Variants in ACTR10 observed in about 807,000 individuals in gnomAD.
ACTR10 encodes actin-related protein 10.
A neutral mutation model predicts 56.2 loss-of-function variants in ACTR10; 43 were observed. That is an observed-to-expected ratio of 0.77 (90% CI 0.60 to 0.99). ACTR10 has a LOEUF of 0.99. ACTR10 is among the 50% of genes least tolerant of loss of function. ACTR10 has a pLI of 0.00. For synonymous variants in ACTR10, 170 were observed against 176.3 expected (o/e 0.96, Z 0.28); for missense variants, 466 against 507.8 (o/e 0.92, Z 0.79).
At chr14:58,214,738 G>A (rs1233658782) in intron 6 of ACTR10, among the ~76,000 whole-genome samples, 8 of 150,146 alleles carry the variant, frequency 5.3e-5, no homozygotes, top group East Asian at 2.0e-4. Context: ...TGATCCACCC[G>A]CTTCAGCCTC....
intron 4 of ACTR10, among the ~76,000 whole-genome samples, chr14:58,210,156 T>G (rs1888957953): frequency 6.6e-6 from 1 of 152,222 alleles, no homozygotes; most frequent in African/African-American, 2.4e-5. Flanking sequence ...CCTACTTTAT[T>G]TAGATAAGGG....
At position 58,200,153 on chromosome 14, in the gene ACTR10, C is replaced by A. The variant is rs1888667094; in HGVS notation, c.-65C>A. 1.2e-5 allele frequency: 15 copies of A among 1,256,790 alleles called. No homozygotes were observed. In the South Asian group the frequency reaches 2.2e-4, roughly 18 times the overall value. The allele number at this position is 1,256,790 out of a possible 1,614,324, so 77.9% of individuals were successfully genotyped here. ...GAGCGCCGGAGCCCCGGCCCCGCCCCGCGAGCGCCGAGACTTGTTGGCCGC... is the reference window on the plus strand; with the variant it reads ...GAGCGCCGGAGCCCCGGCCCCGCCCAGCGAGCGCCGAGACTTGTTGGCCGC... On this transcript the variant is annotated 5_prime_UTR_variant, in exon 1 of 13. Transcript: ENST00000254286.
chr14:58,215,111 A>G, intron 6 of ACTR10, 94 bp from the exon 7 acceptor site: 1 of 799,494 alleles, frequency 1.3e-6, no homozygotes, highest in Non-Finnish European at 1.9e-6. Flanking sequence ...CTCCAAAAAA[A>G]AAATCATAAT....
intron 7 of ACTR10, among the ~76,000 whole-genome samples, chr14:58,216,150 G>T (rs1232477866): frequency 6.6e-6 from 1 of 151,978 alleles, no homozygotes; most frequent in Non-Finnish European, 1.5e-5. Flanking sequence ...TTTGAGACAG[G>T]ATCTCACTCT....
intron 8 of ACTR10, among the ~76,000 whole-genome samples, chr14:58,221,156 G>T (rs1365271772): frequency 2.0e-5 from 3 of 151,766 alleles, no homozygotes; most frequent in Non-Finnish European, 4.4e-5. Context: ...GGTGGCACTC[G>T]CCTGTAGTCC....
At chr14:58,215,465 T>G (rs1013246107) in intron 7 of ACTR10, among the ~76,000 whole-genome samples, 181 bp downstream of exon 7, 50 of 152,202 alleles carry the variant, frequency 3.3e-4, no homozygotes, top group African/African-American at 1.1e-3. Flanking sequence ...AGTTTGATTT[T>G]AGTCATCCTT....
chr14:58,224,468 A>G (rs950059871), intron 10 of ACTR10, among the ~76,000 whole-genome samples: 3 of 151,952 alleles, frequency 2.0e-5, no homozygotes, highest in Admixed American at 6.6e-5. Flanking sequence ...GCTGGTCTCG[A>G]ACTCCTGACC....
intron 3 of ACTR10, 84 bp from the exon 4 acceptor site, chr14:58,208,915 T>A (rs941886587): frequency 2.8e-5 from 23 of 827,090 alleles, no homozygotes; most frequent in African/African-American, 1.0e-4. Flanking sequence ...GCTAAGGTAG[T>A]ACAGTTTCAC....
At chr14:58,228,981 G>T (rs898441160) in intron 10 of ACTR10, among the ~76,000 whole-genome samples, 1 of 151,846 alleles carries the variant, frequency 6.6e-6, no homozygotes, top group Admixed American at 6.6e-5. Context: ...AATACAGAGA[G>T]GTCCCATATA....
intron 2 of ACTR10, among the ~76,000 whole-genome samples, chr14:58,205,578 G>T (rs1888838534): frequency 1.3e-5 from 2 of 152,126 alleles, no homozygotes; most frequent in Non-Finnish European, 2.9e-5. Context: ...GCTTCCCAAA[G>T]TGCTGGGGTT....
At chr14:58,217,294 T>G (rs1566626572) in intron 7 of ACTR10, among the ~76,000 whole-genome samples, 2 of 152,204 alleles carry the variant, frequency 1.3e-5, no homozygotes, top group African/African-American at 2.4e-5. Flanking sequence ...AATCTGAGTC[T>G]GTGATAGCCA....
At chr14:58,212,847 G>A (rs181754003) in intron 5 of ACTR10, among the ~76,000 whole-genome samples, 9 of 152,170 alleles carry the variant, frequency 5.9e-5, no homozygotes, top group African/African-American at 2.2e-4. Context: ...GCTGGGTGCC[G>A]TGGCTCACAC....
chr14:58,229,325 C>A (rs942443233), intron 10 of ACTR10, among the ~76,000 whole-genome samples: 3 of 152,120 alleles, frequency 2.0e-5, no homozygotes, highest in Admixed American at 6.5e-5. Context: ...ACCTAGAGAT[C>A]TAATGTACAG....
chr14:58,210,897 A>G (rs1888976951), intron 4 of ACTR10, among the ~76,000 whole-genome samples: 1 of 151,130 alleles, frequency 6.6e-6, no homozygotes, highest in Non-Finnish European at 1.5e-5. Context: ...CTGGTTTCGA[A>G]CTCCTGACCT....
chr14:58,228,160 A>T (rs1479830800), intron 10 of ACTR10, among the ~76,000 whole-genome samples: 3 of 152,194 alleles, frequency 2.0e-5, no homozygotes, highest in Non-Finnish European at 4.4e-5. Context: ...GGACAATATT[A>T]TCATCTCATA....
In ACTR10 at chr14:58,219,730, G is replaced by A; in HGVS notation, c.634+1G>A. ...GAAGGTGTCTTAGAGGACATTAAAG[G>A]TAAACTAAGTTCTCATTTTTGTCCC... On this transcript the variant is annotated splice_donor_variant, in intron 8 of 12. Coordinates refer to ENST00000254286, the MANE Select transcript of ACTR10 (RefSeq NM_018477.3). LOFTEE classifies it high-confidence loss of function. The A allele has an allele frequency of 1.3e-6, 2 of 1,519,252 alleles. No homozygotes were observed. Among genetic ancestry groups the A allele is most frequent in the Non-Finnish European group, 1.8e-6 (2 of 1,131,786 alleles). 94.1% of individuals were successfully genotyped at this position (1,519,252 alleles called of 1,614,324 possible). A position where few individuals can be genotyped will look rare whatever the true frequency, so the allele number is the denominator to read the frequency against.
At chr14:58,220,561 T>G (rs1436633871) in intron 8 of ACTR10, among the ~76,000 whole-genome samples, 1 of 152,228 alleles carries the variant, frequency 6.6e-6, no homozygotes, top group Non-Finnish European at 1.5e-5. Context: ...GGTAAAATGG[T>G]TTCCTTTCCT....
At chr14:58,231,832 T>G (rs11844456) in intron 11 of ACTR10, among the ~76,000 whole-genome samples, 2 of 152,316 alleles carry the variant, frequency 1.3e-5, no homozygotes, top group African/African-American at 4.8e-5. Context: ...TAAACTATTT[T>G]AAAATCTTTA....
intron 2 of ACTR10, among the ~76,000 whole-genome samples, chr14:58,204,919 C>A (rs1888818655): frequency 6.6e-6 from 1 of 152,068 alleles, no homozygotes; most frequent in Non-Finnish European, 1.5e-5. Flanking sequence ...CGCATATAAG[C>A]ATATTTGGTT....
Sources: allele counts gnomAD v4.1 joint callset (sites outside exome capture counted in the v4.1 genomes callset), GRCh38; gene constraint gnomAD v4.1.1; transcripts MANE v1.5; gene names NCBI Gene and HGNC (gene_info 2026-07-23, HGNC 2026-07-21).